The following PDCD6IP variants were observed in gnomAD, a reference collection of about 807,000 sequenced individuals.
PDCD6IP encodes the protein programmed cell death 6 interacting protein, also known as programmed cell death 6-interacting protein.
Under a neutral mutation model 103.7 loss-of-function variants are expected in PDCD6IP, and 43 were observed. The ratio of observed to expected loss-of-function variants is 0.41; its 90% CI spans 0.32 to 0.53. PDCD6IP has a LOEUF of 0.53. Among genes scored for constraint, PDCD6IP ranks in the 20% least tolerant of loss-of-function variants. The pLI, the probability that PDCD6IP is intolerant of heterozygous loss-of-function variation, is 0.16. For missense variants in PDCD6IP, 871 were observed against 1,036.7 expected (o/e 0.84, Z 2.20); for synonymous variants, 354 against 378.7 (o/e 0.93, Z 0.76).
At chr3:33,863,551 T>C (rs1301642510) in intron 15 of PDCD6IP, among the ~76,000 whole-genome samples, 1 of 152,238 alleles carries the variant, frequency 6.6e-6, no homozygotes, top group African/African-American at 2.4e-5. Context: ...TCACTTATCA[T>C]GATGGCCTCC....
chr3:33,867,833 G>A lies in PDCD6IP; in HGVS notation c.*1308G>A, dbSNP rs1397165240. The A allele has an allele frequency of 6.6e-6, 1 of 152,120 alleles. No individual in the cohort carries two copies. The highest frequency in any genetic ancestry group is 1.5e-5 in the Non-Finnish European group (1 of 68,012). The allele number at this position is 152,120 out of a possible 1,614,324, so 9.4% of individuals were successfully genotyped here. A position where few individuals can be genotyped will look rare whatever the true frequency, so the allele number is the denominator to read the frequency against. On this transcript the variant is annotated 3_prime_UTR_variant, in exon 18 of 18. Transcript: ENST00000307296. The stretch of plus-strand genomic sequence containing the variant: ...GAATCTATTTATGTTTATTTTCTGA[G>A]TTTCAACGCTGACCTTTTCTTGCAT...
At chr3:33,864,660 T>C (rs971097358) in intron 16 of PDCD6IP, among the ~76,000 whole-genome samples, 1 of 152,234 alleles carries the variant, frequency 6.6e-6, no homozygotes, top group African/African-American at 2.4e-5. Flanking sequence ...GGGAATAGCA[T>C]TAGTTTTTTA....
chr3:33,840,074 A>G (rs1465040839), intron 9 of PDCD6IP, among the ~76,000 whole-genome samples: 1 of 152,160 alleles, frequency 6.6e-6, no homozygotes, highest in Non-Finnish European at 1.5e-5. Context: ...TGCACAGTCA[A>G]ATCTGCATAT....
chr3:33,801,164 A>C (rs1227132888), intron 1 of PDCD6IP, among the ~76,000 whole-genome samples: 3 of 152,106 alleles, frequency 2.0e-5, no homozygotes, highest in African/African-American at 7.2e-5. Flanking sequence ...GGTAGGTACA[A>C]AAGTTTTGTA....
At chr3:33,828,208 A>G (rs572645590) in intron 6 of PDCD6IP, among the ~76,000 whole-genome samples, 1 of 152,284 alleles carries the variant, frequency 6.6e-6, no homozygotes, top group East Asian at 1.9e-4. Flanking sequence ...TATCATTATC[A>G]TTGGTCATAT....
At chr3:33,847,616 C>T (rs1697622924) in intron 12 of PDCD6IP, among the ~76,000 whole-genome samples, 1 of 152,082 alleles carries the variant, frequency 6.6e-6, no homozygotes, top group African/African-American at 2.4e-5. Flanking sequence ...ATTAAAAAGT[C>T]CAAGTTTGAT....
In PDCD6IP at chr3:33,868,508, C is replaced by T. The variant is rs1248135941; in HGVS notation, c.*1983C>T. 3 of 152,852 alleles carry T rather than the reference C, an allele frequency of 2.0e-5. No individual in the cohort carries two copies. The highest frequency in any genetic ancestry group is 1.9e-4 in the East Asian group (1 of 5,188). The allele number at this position is 152,852 out of a possible 1,614,324, so 9.5% of individuals were successfully genotyped here. ...ATCCTGCCACAGCACACCTGACTCA[C>T]TCGGCTCTGTTAGTGTAACCTTTTA... On this transcript the variant is annotated 3_prime_UTR_variant, in exon 18 of 18. Coordinates refer to ENST00000307296, the MANE Select transcript of PDCD6IP (RefSeq NM_013374.6).
chr3:33,804,519 G>A (rs1016877640), intron 1 of PDCD6IP, among the ~76,000 whole-genome samples: 5 of 152,250 alleles, frequency 3.3e-5, no homozygotes, highest in Admixed American at 3.3e-4. Flanking sequence ...ATCTGTAATT[G>A]GCAGACCTTT....
chr3:33,837,040 C>T (rs1172018246), intron 8 of PDCD6IP, among the ~76,000 whole-genome samples: 1 of 151,844 alleles, frequency 6.6e-6, no homozygotes, highest in Non-Finnish European at 1.5e-5. Flanking sequence ...CCTGCCTCAG[C>T]CTCCCAAGTA....
In PDCD6IP at chr3:33,839,586, C is replaced by T. The variant is rs116420226; in HGVS notation, c.1181+1259C>T. Among the ~76,000 whole-genome samples, 638 of 152,264 alleles carry T rather than the reference C, an allele frequency of 4.2e-3. 4 individuals carry two copies. The highest frequency in any genetic ancestry group is 0.011 in the African/African-American group (474 of 41,538). The stretch of plus-strand genomic sequence containing the variant: ...CTGTGAACATTCATGTATAAATCTT[C>T]GTGTGGACATATTTTAGTTCTCTTG... On this transcript the variant is annotated intron_variant, in intron 9 of 17. Transcript: ENST00000307296.
intron 3 of PDCD6IP, among the ~76,000 whole-genome samples, chr3:33,815,739 ATATT>A (rs1362836367): frequency 7.2e-5 from 11 of 152,274 alleles, no homozygotes; most frequent in Admixed American, 7.2e-4. Flanking sequence ...GACCTGTTGG[ATATT>A]TATTCCTCTT....
chr3:33,865,109 G>T (rs1698033688), intron 16 of PDCD6IP, 134 bp from the exon 17 acceptor site: 1 of 585,836 alleles, frequency 1.7e-6, no homozygotes, highest in East Asian at 3.5e-5. Flanking sequence ...TAATAAGCCG[G>T]TATTTAAGAA....
chr3:33,826,160 A>G (rs1169624308), intron 5 of PDCD6IP, among the ~76,000 whole-genome samples: 2 of 152,162 alleles, frequency 1.3e-5, no homozygotes, highest in African/African-American at 4.8e-5. Context: ...TATACACTCA[A>G]GTTCACCCTT....
chr3:33,838,312 C>A lies in PDCD6IP; in HGVS notation c.1166C>A (p.Thr389Asn). The A allele has an allele frequency of 6.2e-7, 1 of 1,612,830 alleles. No homozygotes were observed. Among genetic ancestry groups the A allele is most frequent in the South Asian group, 1.1e-5 (1 of 90,916 alleles). ...TCAATTGCTCAGATGAGAGAAGCCA[C>A]CACTTTGGCAAATGGGTAGGTAGAG... ...NRSIAQMREA[T>N]TLANGVLASL... Residue 389 changes from threonine (T) to asparagine (N), a missense_variant, in exon 9 of 18, where the codon ACC (threonine) becomes AAC (asparagine). By Grantham distance (65) the Thr-to-Asn change is moderately conservative. Transcript: ENST00000307296.
At position 33,798,734 on chromosome 3, in the gene PDCD6IP, G is replaced by T; in HGVS notation, c.6G>T (p.Ala2=). Reference sequence around the variant, plus strand: ...CGGCGGCGGAGGCGCTGATCATGGCGACATTCATCTCGGTGCAGCTGAAAA... The same window carrying T: ...CGGCGGCGGAGGCGCTGATCATGGCTACATTCATCTCGGTGCAGCTGAAAA... The part of the protein sequence containing the change: M[A]TFISVQLKKT... Residue 2 remains alanine, a synonymous_variant, in exon 1 of 18, where the codon GCG becomes GCT. Coordinates refer to ENST00000307296, the MANE Select transcript of PDCD6IP (RefSeq NM_013374.6). The T allele has an allele frequency of 6.4e-7, 1 of 1,559,196 alleles. No individual in the cohort carries two copies. The highest frequency in any genetic ancestry group is 8.7e-7 in the Non-Finnish European group (1 of 1,150,050).
At chr3:33,830,730 C>T (rs2125559588) in intron 7 of PDCD6IP, among the ~76,000 whole-genome samples, 1 of 152,232 alleles carries the variant, frequency 6.6e-6, no homozygotes, top group East Asian at 1.9e-4. Flanking sequence ...TAACACAGAA[C>T]ACACTCACTG....
intron 15 of PDCD6IP, among the ~76,000 whole-genome samples, chr3:33,863,109 A>C (rs1457432569): frequency 6.6e-6 from 1 of 152,230 alleles, no homozygotes; most frequent in Non-Finnish European, 1.5e-5. Context: ...TATGGGGTAC[A>C]TGTGATACTT....
chr3:33,842,020 G>T lies in PDCD6IP; in HGVS notation c.1305G>T (p.Gln435His). The change falls in exon 10 of 18, where the codon CAG (glutamine) becomes CAT (histidine). Residue 435 changes from glutamine (Q) to histidine (H), a missense_variant. By Grantham distance (24) the Gln-to-His change is conservative. Around this residue, in one of 5 missense-constraint regions of PDCD6IP, gnomAD observed 266 missense variants for 390.5 expected, o/e 0.68. Transcript: ENST00000307296. ...IEQGGIQTVD[Q>H]LIKELPELLQ... is the part of the protein sequence containing the mutation. ...AGGGAGGCATCCAGACTGTTGATCAGTTGATTAAAGAACTGCCTGAATTAC... is the reference window on the plus strand; with the variant it reads ...AGGGAGGCATCCAGACTGTTGATCATTTGATTAAAGAACTGCCTGAATTAC... 1 of 1,612,918 alleles carries T rather than the reference G, an allele frequency of 6.2e-7. No individual in the cohort carries two copies. Among genetic ancestry groups the T allele is most frequent in the Non-Finnish European group, 8.5e-7 (1 of 1,178,978 alleles).
At chr3:33,834,050 T>C (rs796534351) in intron 7 of PDCD6IP, among the ~76,000 whole-genome samples, 1 of 152,190 alleles carries the variant, frequency 6.6e-6, no homozygotes, top group South Asian at 2.1e-4. Flanking sequence ...GCTGGCATTT[T>C]CTGAGTGCTT....
Sources: gnomAD v4.1 joint callset for allele counts (sites outside exome capture counted in the v4.1 genomes callset) on GRCh38, gnomAD v4.1.1 for gene constraint, gnomAD v4.1.1 regional missense constraint, MANE v1.5 for transcripts, NCBI Gene and HGNC (gene_info 2026-07-23, HGNC 2026-07-21) for gene names.